The following CERS6 variants were observed in gnomAD, a reference collection of about 807,000 sequenced individuals.
The protein encoded by CERS6 is ceramide synthase 6.
CERS6 carries 26 observed loss-of-function variants against 56.8 expected under a neutral mutation model. That is an observed-to-expected ratio of 0.46 (90% confidence interval 0.34 to 0.63). The LOEUF is 0.63. Ranked by LOEUF, CERS6 falls within the 30% of genes least tolerant of loss-of-function variation. The pLI, the probability that CERS6 is intolerant of heterozygous loss-of-function variation, is 0.01. For missense variants in CERS6, 415 were observed against 467.5 expected, an observed-to-expected ratio of 0.89 and a Z score of 1.04; for synonymous variants, 164 against 173.3, an observed-to-expected ratio of 0.95 and a Z score of 0.42.
At chr2:168,684,164 A>G (rs1431176656) in intron 4 of CERS6, among the ~76,000 whole-genome samples, 1 of 152,220 alleles carries the variant, frequency 6.6e-6, no homozygotes, top group Non-Finnish European at 1.5e-5. Context: ...AGGACTCTTT[A>G]TGTAATGCCA....
intron 1 of CERS6, among the ~76,000 whole-genome samples, chr2:168,545,649 A>G (rs1190954092): frequency 6.6e-6 from 1 of 152,214 alleles, no homozygotes; most frequent in Non-Finnish European, 1.5e-5. Flanking sequence ...TCAGCACTCA[A>G]CACCGTGATA....
At chr2:168,763,853 G>A (rs1452232647) in intron 8 of CERS6, among the ~76,000 whole-genome samples, 1 of 152,138 alleles carries the variant, frequency 6.6e-6, no homozygotes, top group Non-Finnish European at 1.5e-5. Flanking sequence ...CTGAGGAGGA[G>A]AGCAGAGAGT....
chr2:168,650,672 AT>A (rs11399845), intron 4 of CERS6, among the ~76,000 whole-genome samples: 2 of 150,380 alleles, frequency 1.3e-5, no homozygotes, highest in Admixed American at 6.6e-5. Context: ...CTTCCGGTGA[AT>A]TTTTTTTTTT....
chr2:168,568,879 C>T (rs574932826), intron 3 of CERS6, among the ~76,000 whole-genome samples: 1 of 152,274 alleles, frequency 6.6e-6, no homozygotes, highest in African/African-American at 2.4e-5. Flanking sequence ...GTTAGGGACA[C>T]AACACTCAGA....
chr2:168,752,319 A>G (rs3067009), intron 8 of CERS6, among the ~76,000 whole-genome samples: 74,157 of 134,372 alleles, frequency 0.55, 19,491 homozygotes, highest in Admixed American at 0.63. Context: ...GTGTGTGTGT[A>G]TAGAGAGAGA....
chr2:168,468,976 A>C (rs1693931151), intron 1 of CERS6, among the ~76,000 whole-genome samples: 1 of 152,240 alleles, frequency 6.6e-6, no homozygotes, highest in Non-Finnish European at 1.5e-5. Flanking sequence ...GAAATAGGAC[A>C]GCCTCAAGAC....
intron 8 of CERS6, among the ~76,000 whole-genome samples, chr2:168,765,105 C>T (rs1326502777): frequency 6.6e-6 from 1 of 152,114 alleles, no homozygotes; most frequent in Non-Finnish European, 1.5e-5. Context: ...CACAAAAGGA[C>T]AAATACTATA....
chr2:168,631,232 G>A (rs1292848354), intron 4 of CERS6, among the ~76,000 whole-genome samples, 190 bp downstream of exon 4: 3 of 150,024 alleles, frequency 2.0e-5, no homozygotes, highest in Non-Finnish European at 4.4e-5. Flanking sequence ...TCACTCCAGT[G>A]GGTTATTTAT....
At chr2:168,595,244 C>T (rs749055587) in intron 3 of CERS6, among the ~76,000 whole-genome samples, 9 of 152,200 alleles carry the variant, frequency 5.9e-5, no homozygotes, top group Non-Finnish European at 1.3e-4. Flanking sequence ...CACATGTATC[C>T]TATGCAGTGC....
intron 1 of CERS6, among the ~76,000 whole-genome samples, chr2:168,457,431 CA>C (rs2105313315): frequency 6.6e-6 from 1 of 152,236 alleles, no homozygotes; most frequent in East Asian, 1.9e-4. Context: ...TCCATTGTGT[CA>C]CATACAAACT....
rs905581522 is a variant in CERS6, at chr2:168,619,036, A to G, written c.408-11949A>G. Among the ~76,000 whole-genome samples, 6 of 152,380 alleles carry G rather than the reference A, an allele frequency of 3.9e-5. No individual in the cohort carries two copies. In the East Asian group the frequency reaches 1.2e-3, roughly 29 times the overall value. On this transcript the variant is annotated intron_variant, in intron 3 of 9. Transcript: ENST00000305747. The stretch of plus-strand genomic sequence containing the variant: ...TAGATACATAGACCAATGGAACAGA[A>G]CAGAGAACCAGAAATAAAGCCAAAT...
intron 4 of CERS6, among the ~76,000 whole-genome samples, chr2:168,662,461 G>T (rs1176763997): frequency 1.3e-5 from 2 of 152,126 alleles, no homozygotes; most frequent in Non-Finnish European, 2.9e-5. Flanking sequence ...AGGCACGGTG[G>T]CTCATGCCTG....
intron 2 of CERS6, among the ~76,000 whole-genome samples, chr2:168,555,422 A>G (rs1376129026): frequency 6.6e-6 from 1 of 152,118 alleles, no homozygotes; most frequent in East Asian, 1.9e-4. Flanking sequence ...TAAACATTAG[A>G]ACAAGAACAA....
chr2:168,719,861 T>TAA (rs1687315975), intron 8 of CERS6, among the ~76,000 whole-genome samples: 1 of 152,010 alleles, frequency 6.6e-6, no homozygotes, highest in South Asian at 2.1e-4. Context: ...GTAGCCATAC[T>TAA]AAAGGTTCTT....
chr2:168,473,688 A>C (rs1018470243), intron 1 of CERS6, among the ~76,000 whole-genome samples: 2 of 152,124 alleles, frequency 1.3e-5, no homozygotes, highest in Non-Finnish European at 2.9e-5. Context: ...ATTACTAATG[A>C]TATGTCTATA....
At chr2:168,588,696 T>A (rs1161432960) in intron 3 of CERS6, among the ~76,000 whole-genome samples, 2 of 152,202 alleles carry the variant, frequency 1.3e-5, no homozygotes, top group Admixed American at 1.3e-4. Flanking sequence ...CTATGAATAA[T>A]CCTCTTATGA....
At chr2:168,731,345 T>G (rs953862159) in intron 8 of CERS6, among the ~76,000 whole-genome samples, 2 of 151,936 alleles carry the variant, frequency 1.3e-5, no homozygotes, top group Non-Finnish European at 2.9e-5. Context: ...CAAATAATAG[T>G]AAAATATTTT....
rs1160150285 is a variant in CERS6, at chr2:168,582,228, T to A, written c.407+20906T>A. Among the ~76,000 whole-genome samples the A allele has an allele frequency of 3.3e-5, 5 of 152,312 alleles. No individual in the cohort carries two copies. In the East Asian group the frequency reaches 7.7e-4, roughly 24 times the overall value. ...AGCTTAATATGCGCAGTGTCTTCTA[T>A]AATATCCTCCACATTAGGTAGGCAC... On this transcript the variant is annotated intron_variant, in intron 3 of 9. Coordinates refer to ENST00000305747, the MANE Select transcript of CERS6 (RefSeq NM_203463.3).
chr2:168,630,934 G>T, intron 3 of CERS6, 51 bp from the exon 4 acceptor site: 4 of 840,592 alleles, frequency 4.8e-6, no homozygotes, highest in Non-Finnish European at 7.7e-6. Flanking sequence ...TTCAGTATAT[G>T]CTGTGAATAT....
Sources: gnomAD v4.1 joint callset for allele counts (sites outside exome capture counted in the v4.1 genomes callset) on GRCh38, gnomAD v4.1.1 for gene constraint, MANE v1.5 for transcripts, NCBI Gene and HGNC (gene_info 2026-07-23, HGNC 2026-07-21) for gene names.